STIM1: variants seen among roughly 807,000 people sequenced by gnomAD.
The protein encoded by STIM1 is stromal interaction molecule 1.
Under a neutral mutation model 74.7 loss-of-function variants are expected in STIM1, and 25 were observed. The observed-to-expected ratio is 0.33, with a 90% CI of 0.24 to 0.47. The LOEUF (loss-of-function observed/expected upper bound fraction) is 0.47, where lower values mean the gene tolerates loss of function less well. Ranked by LOEUF, STIM1 falls within the 20% of genes least tolerant of loss-of-function variation. The probability of loss-of-function intolerance (pLI) is 1.00; values close to 1 mark genes in which losing one functional copy is unlikely to be tolerated. For synonymous variants in STIM1, 328 were observed against 348.8 expected, an observed-to-expected ratio of 0.94 and a Z score of 0.66; for missense variants, 728 against 920.8, an observed-to-expected ratio of 0.79 and a Z score of 2.71.
At chr11:4,063,310 A>C (rs753413156) in intron 5 of STIM1, among the ~76,000 whole-genome samples, 2 of 152,352 alleles carry the variant, frequency 1.3e-5, no homozygotes, top group South Asian at 2.1e-4. Flanking sequence ...ATATACATGC[A>C]TACCTTGTTT....
chr11:3,926,807 C>T (rs2092794639), intron 1 of STIM1, among the ~76,000 whole-genome samples: 1 of 152,116 alleles, frequency 6.6e-6, no homozygotes. Context: ...AATAGGTAAC[C>T]CACCAGAACC....
At chr11:3,932,666 G>GAA (rs57059104) in intron 1 of STIM1, among the ~76,000 whole-genome samples, 9 of 86,966 alleles carry the variant, frequency 1.0e-4, no homozygotes, top group East Asian at 3.2e-4. Context: ...TGTCTCAAAG[G>GAA]AAAAAAAAAA....
rs945069663 is a variant in STIM1 at position 4,006,238 on chromosome 11, C to T, written c.271-17635C>T. Among the ~76,000 whole-genome samples the T allele has an allele frequency of 2.6e-5, 4 of 152,140 alleles. No individual in the cohort carries two copies. The East Asian group carries it at 7.7e-4, about 29-fold the overall frequency. On this transcript the variant is annotated intron_variant, in intron 2 of 12. Coordinates refer to ENST00000526596, the MANE Select transcript of STIM1 (RefSeq NM_001382567.1). ...CCTCCCCCTTTGCTCTTTCTTCCTC[C>T]TGCTCTGGCTGTGTATGGTGTGTCT... is the stretch of plus-strand genomic sequence containing the variant.
intron 2 of STIM1, among the ~76,000 whole-genome samples, chr11:3,995,134 CT>C (rs1283526301): frequency 2.0e-5 from 3 of 150,068 alleles, no homozygotes; most frequent in African/African-American, 7.4e-5. Flanking sequence ...AATTTGTAGT[CT>C]TTTTCTGTTA....
intron 1 of STIM1, among the ~76,000 whole-genome samples, chr11:3,934,691 A>G (rs1306353725): frequency 6.6e-6 from 1 of 152,238 alleles, no homozygotes; most frequent in Non-Finnish European, 1.5e-5. Flanking sequence ...GTGTACAACT[A>G]TCTTGTGTAC....
intron 1 of STIM1, among the ~76,000 whole-genome samples, chr11:3,941,562 A>G (rs1366419647): frequency 6.6e-6 from 1 of 150,550 alleles, no homozygotes; most frequent in Non-Finnish European, 1.5e-5. Flanking sequence ...AGCAAATAGT[A>G]TTGCCATAGA....
Position 4,092,077 on chromosome 11 carries a change from C to T in STIM1, c.*279C>T. The T allele has an allele frequency of 2.0e-6, 1 of 497,968 alleles. No individual in the cohort carries two copies. Among genetic ancestry groups the T allele is most frequent in the East Asian group, 3.6e-5 (1 of 27,678 alleles). The allele number at this position is 497,968 out of a possible 1,614,324, so 30.8% of individuals were successfully genotyped here. Reference sequence around the variant, plus strand: ...GTGCATGTCTTAGTTGCTGTTCCCTCAGCTCCCAGCTCCACCTCTGGGGTT... The same window carrying T: ...GTGCATGTCTTAGTTGCTGTTCCCTTAGCTCCCAGCTCCACCTCTGGGGTT... On this transcript the variant is annotated 3_prime_UTR_variant, in exon 13 of 13. Coordinates refer to ENST00000526596, the MANE Select transcript of STIM1 (RefSeq NM_001382567.1).
intron 1 of STIM1, among the ~76,000 whole-genome samples, chr11:3,899,143 C>T (rs1437386237): frequency 7.2e-6 from 1 of 139,324 alleles, no homozygotes; most frequent in Non-Finnish European, 1.6e-5. Context: ...TCTTCCTACC[C>T]ATGAGCATGG....
At chr11:4,067,030 T>C (rs1028224832) in intron 5 of STIM1, among the ~76,000 whole-genome samples, 2 of 152,194 alleles carry the variant, frequency 1.3e-5, no homozygotes, top group Admixed American at 1.3e-4. Flanking sequence ...CTACTTCTTC[T>C]TTCTCAAACT....
intron 2 of STIM1, among the ~76,000 whole-genome samples, chr11:3,978,489 G>A (rs572701032): frequency 6.6e-6 from 1 of 150,692 alleles, no homozygotes; most frequent in South Asian, 2.1e-4. Flanking sequence ...GGCCAGGCAC[G>A]GTGGCTCATG....
At chr11:3,966,920 T>A (rs1261944103) in intron 1 of STIM1, among the ~76,000 whole-genome samples, 1 of 152,200 alleles carries the variant, frequency 6.6e-6, no homozygotes, top group Non-Finnish European at 1.5e-5. Flanking sequence ...CCAGACCACC[T>A]AAGGTGTTGT....
intron 1 of STIM1, among the ~76,000 whole-genome samples, chr11:3,900,681 A>T (rs1428954575): frequency 6.6e-6 from 1 of 152,094 alleles, no homozygotes; most frequent in African/African-American, 2.4e-5. Context: ...CTGGGCACAA[A>T]TGATCCTCCC....
intron 1 of STIM1, among the ~76,000 whole-genome samples, chr11:3,941,757 G>A (rs909913314): frequency 1.3e-5 from 2 of 150,606 alleles, no homozygotes; most frequent in Non-Finnish European, 2.9e-5. Flanking sequence ...TATGATCATG[G>A]CTCACTGCAG....
intron 2 of STIM1, among the ~76,000 whole-genome samples, chr11:3,968,464 T>G (rs1317808982): frequency 6.6e-6 from 1 of 152,188 alleles, no homozygotes; most frequent in East Asian, 1.9e-4. Flanking sequence ...CTTTGAGTTT[T>G]GAGTTCAATT....
chr11:3,929,261 G>C (rs1457681735), intron 1 of STIM1, among the ~76,000 whole-genome samples: 1 of 152,236 alleles, frequency 6.6e-6, no homozygotes, highest in Non-Finnish European at 1.5e-5. Flanking sequence ...TGTTAAAGCA[G>C]GTGAACTTCT....
rs2094472185 is a variant in STIM1 at position 4,082,807 on chromosome 11, A to G, written c.1138-75A>G. On this transcript the variant is annotated intron_variant, in intron 8 of 12. Transcript: ENST00000526596. Reference sequence around the variant, plus strand: ...GTGCTAGGAGGAGTGGGCCCCAGCCATAGGGGAAGGCCTTTCTCATTTATT... The same window carrying G: ...GTGCTAGGAGGAGTGGGCCCCAGCCGTAGGGGAAGGCCTTTCTCATTTATT... 1.5e-5 allele frequency: 19 copies of G among 1,250,140 alleles called. No homozygotes were observed. The East Asian group carries it at 4.2e-4, about 28-fold the overall frequency. The allele number at this position is 1,250,140 out of a possible 1,614,324, so 77.4% of individuals were successfully genotyped here. A position where few individuals can be genotyped will look rare whatever the true frequency, so the allele number is the denominator to read the frequency against.
intron 3 of STIM1, among the ~76,000 whole-genome samples, chr11:4,047,383 A>G (rs1394748162): frequency 6.6e-6 from 1 of 152,134 alleles, no homozygotes; most frequent in African/African-American, 2.4e-5. Context: ...TGTGAGGCCA[A>G]GGTGGGAGGA....
intron 1 of STIM1, among the ~76,000 whole-genome samples, chr11:3,879,156 A>G (rs536023958): frequency 4.1e-4 from 63 of 152,188 alleles, no homozygotes; most frequent in African/African-American, 1.5e-3. Context: ...GGGTTTCACC[A>G]TGTTGGCCAG....
intron 3 of STIM1, among the ~76,000 whole-genome samples, chr11:4,041,610 CT>C (rs552174960): frequency 4.2e-4 from 61 of 146,208 alleles, no homozygotes; most frequent in Admixed American, 3.4e-4. Flanking sequence ...TCACATTCTT[CT>C]TTTTTTTTTT....
Sources: allele counts gnomAD v4.1 joint callset (sites outside exome capture counted in the v4.1 genomes callset), GRCh38; gene constraint gnomAD v4.1.1; transcripts MANE v1.5; gene names NCBI Gene and HGNC (gene_info 2026-07-23, HGNC 2026-07-21).